Variants in SSUH2 observed in about 807,000 individuals in gnomAD.
SSUH2 encodes the protein ssu-2 homolog.
A neutral mutation model predicts 55.3 loss-of-function variants in SSUH2; 47 were observed. The observed-to-expected ratio is 0.85, with a 90% CI of 0.67 to 1.08. SSUH2 has a LOEUF of 1.08. SSUH2 is among the 50% of genes least tolerant of loss of function. SSUH2 has a pLI of 0.00. For missense variants in SSUH2, 535 were observed against 490.7 expected (o/e 1.09, Z -0.85); for synonymous variants, 212 against 191.5 (o/e 1.11, Z -0.89).
intron 7 of SSUH2, among the ~76,000 whole-genome samples, chr3:8,655,450 C>T (rs1239115959): frequency 7.0e-6 from 1 of 142,678 alleles, no homozygotes. Context: ...AGTGGGTGGC[C>T]TCTTCCCCCG....
At chr3:8,677,353 C>G (rs113882955) in exon 3 of SSUH2, 6,329 of 151,252 alleles carry the variant, frequency 0.042, 653 homozygotes, top group African/African-American at 0.14. Context: ...TCTATCGGAG[C>G]CTAAGGGCAG....
chr3:8,658,546 C>A (rs1325929791), intron 7 of SSUH2, among the ~76,000 whole-genome samples: 1 of 152,194 alleles, frequency 6.6e-6, no homozygotes, highest in East Asian at 1.9e-4. Flanking sequence ...TTGGGCTCCC[C>A]AAGGTAAAAA....
intron 11 of SSUH2, among the ~76,000 whole-genome samples, chr3:8,623,129 G>A (rs1294240045): frequency 6.6e-6 from 1 of 152,202 alleles, no homozygotes; most frequent in African/African-American, 2.4e-5. Context: ...CAAAACCACA[G>A]AGGCCAGGAG....
At chr3:8,678,246 CGG>C (rs1705574803) in intron 2 of SSUH2, among the ~76,000 whole-genome samples, 1 of 152,060 alleles carries the variant, frequency 6.6e-6, no homozygotes, top group Non-Finnish European at 1.5e-5. Context: ...TGTATACTTA[CGG>C]TGATATTTGG....
chr3:8,652,694 G>A (rs756116750), intron 7 of SSUH2, among the ~76,000 whole-genome samples: 4 of 152,082 alleles, frequency 2.6e-5, no homozygotes, highest in African/African-American at 9.7e-5. Context: ...TACCTATATC[G>A]AGTTTTATGT....
chr3:8,646,225 C>T (rs1440798679), upstream of SSUH2, among the ~76,000 whole-genome samples: 7 of 152,134 alleles, frequency 4.6e-5, no homozygotes, highest in Non-Finnish European at 2.9e-5. Context: ...TGTGTGTTTG[C>T]ATGTGTGTAT....
At chr3:8,635,417 G>A (rs1393935112) in intron 2 of SSUH2, 36 bp from the exon 3 acceptor site, 1 of 1,420,536 alleles carries the variant, frequency 7.0e-7, no homozygotes, top group East Asian at 2.5e-5. Context: ...GGACAGCCCA[G>A]GCCAAAGGAA....
chr3:8,650,907 C>T (rs1329515990), intron 7 of SSUH2, among the ~76,000 whole-genome samples: 5 of 152,218 alleles, frequency 3.3e-5, no homozygotes, highest in Admixed American at 1.3e-4. Context: ...CTGCTGTCCT[C>T]ACTGGGCTAG....
At chr3:8,642,577 CAAAG>C (rs1701036205) in intron 1 of SSUH2, among the ~76,000 whole-genome samples, 1 of 152,232 alleles carries the variant, frequency 6.6e-6, no homozygotes, top group Non-Finnish European at 1.5e-5. Flanking sequence ...AGGTGATGGT[CAAAG>C]GCCTCCTTGA....
intron 6 of SSUH2, 73 bp from the exon 7 acceptor site, chr3:8,629,799 T>A: frequency 6.9e-7 from 1 of 1,439,324 alleles, no homozygotes; most frequent in Non-Finnish European, 9.8e-7. Context: ...CATCACCATC[T>A]AAACCGAAGG....
intron 6 of SSUH2, among the ~76,000 whole-genome samples, chr3:8,659,329 CT>C (rs1313521680): frequency 3.3e-5 from 5 of 152,276 alleles, no homozygotes; most frequent in African/African-American, 1.2e-4. Context: ...TGTCTCCTGT[CT>C]TCCCTTTGGC....
chr3:8,667,436 G>A (rs867551035), intron 5 of SSUH2, among the ~76,000 whole-genome samples: 1 of 152,162 alleles, frequency 6.6e-6, no homozygotes, highest in African/African-American at 2.4e-5. Flanking sequence ...CATTTTGGCT[G>A]GCTTCTTTAC....
upstream of SSUH2, chr3:8,644,902 G>A (rs367792323): frequency 2.1e-4 from 152 of 727,454 alleles, 1 homozygote; most frequent in East Asian, 2.2e-3. Flanking sequence ...CATCTATATC[G>A]TTCATCATAG....
At position 8,626,554 on chromosome 3, in the gene SSUH2, A is replaced by G. The variant is rs62242358; in HGVS notation, c.675-233T>C. ...TAGGGCCTGCCCCCCCCCCTCCCCC[A>G]CCACTAAATTCTGTGAACAGCTTGG... On this transcript the variant is annotated intron_variant, in intron 8 of 11. Coordinates refer to ENST00000544814, the MANE Select transcript of SSUH2 (RefSeq NM_001256748.3). Among the ~76,000 whole-genome samples, 8 of 101,690 alleles carry G rather than the reference A, an allele frequency of 7.9e-5. No homozygotes were observed. The East Asian group carries it at 1.9e-3, about 24-fold the overall frequency. The allele number at this position is 101,690 out of a possible 152,430, so 66.7% of individuals were successfully genotyped here.
intron 3 of SSUH2, chr3:8,634,128 G>A: frequency 1.4e-6 from 1 of 702,946 alleles, no homozygotes; most frequent in Non-Finnish European, 2.3e-6. Context: ...CAGAGGTCCA[G>A]AGAGGATGTC....
chr3:8,662,457 A>AG (rs989740094), intron 6 of SSUH2, among the ~76,000 whole-genome samples: 1 of 152,190 alleles, frequency 6.6e-6, no homozygotes, highest in Admixed American at 6.5e-5. Context: ...CCACCTGTGA[A>AG]GGGGGCATAA....
At chr3:8,674,867 G>T (rs58162553) in intron 3 of SSUH2, among the ~76,000 whole-genome samples, 1 of 133,192 alleles carries the variant, frequency 7.5e-6, no homozygotes, top group Non-Finnish European at 1.8e-5. Context: ...GGTGGCCAAG[G>T]GTCCGGGCGG....
At chr3:8,625,146 C>A (rs2125104502) in intron 10 of SSUH2, among the ~76,000 whole-genome samples, 1 of 152,012 alleles carries the variant, frequency 6.6e-6, no homozygotes, top group East Asian at 1.9e-4. Context: ...TTTTATTTGC[C>A]ATGGTCTACC....
chr3:8,656,744 T>C (rs1172196255), intron 7 of SSUH2, among the ~76,000 whole-genome samples: 1 of 152,156 alleles, frequency 6.6e-6, no homozygotes, highest in Non-Finnish European at 1.5e-5. Flanking sequence ...AGGAAGTGAC[T>C]TGACCAAGCT....
Sources: allele counts gnomAD v4.1 joint callset (sites outside exome capture counted in the v4.1 genomes callset), GRCh38; gene constraint gnomAD v4.1.1; transcripts MANE v1.5; gene names NCBI Gene and HGNC (gene_info 2026-07-23, HGNC 2026-07-21).